Variants in AKAP7 observed in about 807,000 individuals in gnomAD.
AKAP7 encodes the protein A kinase (PRKA) anchor protein 7.
AKAP7 carries 39 observed loss-of-function variants against 39.5 expected under a neutral mutation model. The observed-to-expected ratio is 0.99, with a 90% CI of 0.76 to 1.29. The LOEUF (loss-of-function observed/expected upper bound fraction) is 1.29, where lower values mean the gene tolerates loss of function less well. AKAP7 is among the 50% of genes most tolerant of loss of function. The pLI, the probability that AKAP7 is intolerant of heterozygous loss-of-function variation, is 0.00. For missense variants in AKAP7, 414 were observed against 407.7 expected (o/e 1.02, Z -0.13); for synonymous variants, 140 against 139.1 (o/e 1.01, Z -0.05).
intron 5 of AKAP7, among the ~76,000 whole-genome samples, chr6:131,183,711 T>C (rs1746471): frequency 0.31 from 46,242 of 151,562 alleles, 7,603 homozygotes; most frequent in Non-Finnish European, 0.36. Flanking sequence ...TGGGGTGGGG[T>C]GGACTGGGAC....
intron 7 of AKAP7, among the ~76,000 whole-genome samples, chr6:131,274,765 A>C (rs1814599015): frequency 6.6e-6 from 1 of 152,040 alleles, no homozygotes; most frequent in African/African-American, 2.4e-5. Flanking sequence ...TGAACTCTTT[A>C]TCCTGACAAT....
intron 7 of AKAP7, among the ~76,000 whole-genome samples, chr6:131,236,859 AATTTG>A (rs1481682674): frequency 6.6e-6 from 1 of 152,176 alleles, no homozygotes; most frequent in African/African-American, 2.4e-5. Context: ...AAACAGGGGC[AATTTG>A]ATTTCCTCTT....
intron 6 of AKAP7, among the ~76,000 whole-genome samples, chr6:131,203,391 G>T (rs1176997442): frequency 6.6e-6 from 1 of 152,084 alleles, no homozygotes; most frequent in Non-Finnish European, 1.5e-5. Flanking sequence ...TGTATTGCTG[G>T]CTTTCCATGT....
intron 6 of AKAP7, among the ~76,000 whole-genome samples, chr6:131,218,614 G>A (rs192166965): frequency 2.1e-4 from 32 of 152,214 alleles, no homozygotes; most frequent in Admixed American, 1.6e-3. Context: ...ACTGTATTTT[G>A]GGACTCTGAG....
chr6:131,181,350 A>C (rs540342952), intron 5 of AKAP7, among the ~76,000 whole-genome samples: 2 of 152,308 alleles, frequency 1.3e-5, no homozygotes, highest in African/African-American at 4.8e-5. Flanking sequence ...TTAGATATTC[A>C]TAGTCATCAA....
intron 2 of AKAP7, among the ~76,000 whole-genome samples, chr6:131,154,001 G>A (rs916809188): frequency 2.0e-5 from 3 of 152,150 alleles, no homozygotes; most frequent in African/African-American, 7.2e-5. Context: ...CCTGAGGTAA[G>A]GAGTTCGAGA....
At chr6:131,201,531 A>G (rs1807568152) in intron 6 of AKAP7, among the ~76,000 whole-genome samples, 1 of 151,970 alleles carries the variant, frequency 6.6e-6, no homozygotes, top group Non-Finnish European at 1.5e-5. Flanking sequence ...ATTTTCTCCT[A>G]TTTTGTAGGT....
chr6:131,251,948 T>TA (rs1273432023), intron 7 of AKAP7, among the ~76,000 whole-genome samples: 1 of 152,274 alleles, frequency 6.6e-6, no homozygotes, highest in Non-Finnish European at 1.5e-5. Flanking sequence ...TGAAAAACCT[T>TA]GGCATGGGCC....
In AKAP7 at chr6:131,209,844, A is replaced by T. The variant is rs74354355; in HGVS notation, c.703-9817A>T. 7.4e-3 allele frequency among the ~76,000 whole-genome samples: 1,133 copies of T among 152,278 alleles called. 15 individuals are homozygous for T. The highest frequency in any genetic ancestry group is 0.026 in the African/African-American group (1,065 of 41,554). On this transcript the variant is annotated intron_variant, in intron 6 of 7. Coordinates refer to ENST00000431975, the MANE Select transcript of AKAP7 (RefSeq NM_016377.4). Reference sequence around the variant, plus strand: ...AACTGGCAAGTCCCACAGTGGATTGATTATGGGTAAAGACAAAATAGAATA... The same window carrying T: ...AACTGGCAAGTCCCACAGTGGATTGTTTATGGGTAAAGACAAAATAGAATA...
intron 7 of AKAP7, among the ~76,000 whole-genome samples, chr6:131,224,521 A>G (rs1259368835): frequency 1.3e-5 from 2 of 152,104 alleles, no homozygotes; most frequent in Non-Finnish European, 2.9e-5. Context: ...CTTTGTATGT[A>G]GGTACATGTG....
At chr6:131,258,801 C>CT (rs1813069106) in intron 7 of AKAP7, among the ~76,000 whole-genome samples, 1 of 152,154 alleles carries the variant, frequency 6.6e-6, no homozygotes, top group Non-Finnish European at 1.5e-5. Flanking sequence ...ATTTTCTGCA[C>CT]TTATTTATAT....
chr6:131,224,730 C>CTTTTTTTTT (rs779047229), intron 7 of AKAP7, among the ~76,000 whole-genome samples: 4 of 55,086 alleles, frequency 7.3e-5, no homozygotes, highest in African/African-American at 2.2e-4. Context: ...AGTTGATTCA[C>CTTTTTTTTT]TTTTTTTTTT....
intron 7 of AKAP7, among the ~76,000 whole-genome samples, chr6:131,267,655 A>C (rs1813921381): frequency 6.6e-6 from 1 of 152,164 alleles, no homozygotes; most frequent in East Asian, 1.9e-4. Flanking sequence ...AAACAAGCCA[A>C]GCTGGTCTTA....
Position 131,282,105 on chromosome 6 carries a change from A to T in AKAP7, c.*379A>T. ...GCAGGGCATTTGACTACTTTATCTG[A>T]GGCCAGAACTCTCACACACAGCTAT... On this transcript the variant is annotated 3_prime_UTR_variant, in exon 8 of 8. Coordinates refer to ENST00000431975, the MANE Select transcript of AKAP7 (RefSeq NM_016377.4). 8.7e-7 allele frequency: 1 copy of T among 1,150,924 alleles called. No individual in the cohort carries two copies. The highest frequency in any genetic ancestry group is 4.3e-5 in the Admixed American group (1 of 23,198). 71.3% of individuals were successfully genotyped at this position (1,150,924 alleles called of 1,614,324 possible).
At chr6:131,220,642 C>G (rs973860213) in intron 7 of AKAP7, among the ~76,000 whole-genome samples, 3 of 152,086 alleles carry the variant, frequency 2.0e-5, no homozygotes, top group African/African-American at 7.2e-5. Flanking sequence ...CTTAAAAAGA[C>G]AGTTTATTTA....
intron 1 of AKAP7, chr6:131,137,417 C>G (rs1205883262): frequency 6.6e-6 from 1 of 151,044 alleles, no homozygotes; most frequent in Non-Finnish European, 1.5e-5. Context: ...GAGTCTCGCT[C>G]TGTCGCCCAG....
At chr6:131,187,698 A>G (rs950380299) in intron 5 of AKAP7, among the ~76,000 whole-genome samples, 1 of 152,212 alleles carries the variant, frequency 6.6e-6, no homozygotes, top group African/African-American at 2.4e-5. Context: ...ATATATTTTA[A>G]TACATAAAGC....
At chr6:131,178,912 C>T (rs1804838558) in intron 5 of AKAP7, among the ~76,000 whole-genome samples, 1 of 152,176 alleles carries the variant, frequency 6.6e-6, no homozygotes, top group African/African-American at 2.4e-5. Flanking sequence ...TCTCCCTGCC[C>T]ACTGTGCCCC....
chr6:131,224,365 T>C (rs1181222257), intron 7 of AKAP7, among the ~76,000 whole-genome samples: 1 of 152,190 alleles, frequency 6.6e-6, no homozygotes, highest in Non-Finnish European at 1.5e-5. Flanking sequence ...TCAAATTTAA[T>C]GTCAATTTCT....
Sources: allele counts gnomAD v4.1 joint callset (sites outside exome capture counted in the v4.1 genomes callset), GRCh38; gene constraint gnomAD v4.1.1; transcripts MANE v1.5; gene names NCBI Gene and HGNC (gene_info 2026-07-23, HGNC 2026-07-21).